PLEKHG1: variants seen among roughly 807,000 people sequenced by gnomAD.
PLEKHG1 encodes the protein pleckstrin homology domain-containing family G member 1.
Under a neutral mutation model 100.8 loss-of-function variants are expected in PLEKHG1, and 44 were observed. The ratio of observed to expected loss-of-function variants is 0.44; its 90% CI spans 0.34 to 0.56. PLEKHG1 has a LOEUF of 0.56. Among genes scored for constraint, PLEKHG1 ranks in the 20% least tolerant of loss-of-function variants. The pLI, the probability that PLEKHG1 is intolerant of heterozygous loss-of-function variation, is 0.01. For synonymous variants in PLEKHG1, 640 were observed against 662.5 expected, an observed-to-expected ratio of 0.97 and a Z score of 0.52; for missense variants, 1,545 against 1,720.9, an observed-to-expected ratio of 0.90 and a Z score of 1.81.
At chr6:150,684,793 G>A (rs753560854) in intron 3 of PLEKHG1, among the ~76,000 whole-genome samples, 4 of 151,918 alleles carry the variant, frequency 2.6e-5, no homozygotes, top group Non-Finnish European at 5.9e-5. Context: ...AATAAGACAG[G>A]TTTGGGATGG....
chr6:150,616,247 G>A (rs565825200), intron 1 of PLEKHG1, among the ~76,000 whole-genome samples: 1 of 152,284 alleles, frequency 6.6e-6, no homozygotes, highest in East Asian at 1.9e-4. Flanking sequence ...TAGAGACCAA[G>A]TTCTCTTATC....
At chr6:150,824,393 A>G (rs1204870041) in intron 14 of PLEKHG1, among the ~76,000 whole-genome samples, 1 of 152,224 alleles carries the variant, frequency 6.6e-6, no homozygotes, top group Admixed American at 6.5e-5. Context: ...ATCTAGAAGA[A>G]TATGGCTGTG....
chr6:150,701,878 A>T (rs888479584), intron 3 of PLEKHG1, among the ~76,000 whole-genome samples: 1 of 152,184 alleles, frequency 6.6e-6, no homozygotes, highest in Admixed American at 6.5e-5. Flanking sequence ...GGGGCCATGC[A>T]TGCACCATGA....
At chr6:150,773,943 C>G (rs1784826594) in intron 3 of PLEKHG1, among the ~76,000 whole-genome samples, 1 of 152,030 alleles carries the variant, frequency 6.6e-6, no homozygotes, top group Non-Finnish European at 1.5e-5. Flanking sequence ...AAACTTTATT[C>G]CTAGATACTT....
intron 2 of PLEKHG1, among the ~76,000 whole-genome samples, chr6:150,734,858 A>G (rs1279932243): frequency 6.6e-6 from 1 of 152,176 alleles, no homozygotes; most frequent in Non-Finnish European, 1.5e-5. Context: ...ATCCTCTGGA[A>G]ATTCAATTAT....
chr6:150,626,404 C>T (rs62434100), intron 1 of PLEKHG1, among the ~76,000 whole-genome samples: 11,432 of 152,222 alleles, frequency 0.075, 539 homozygotes, highest in Non-Finnish European at 0.1. Context: ...TGACCTTGGA[C>T]GTTCCATTGA....
intron 2 of PLEKHG1, among the ~76,000 whole-genome samples, chr6:150,748,670 G>C (rs1783310909): frequency 6.9e-6 from 1 of 144,268 alleles, no homozygotes; most frequent in South Asian, 2.2e-4. Context: ...CTAGGCTGGA[G>C]TGTGCAGTGC....
Position 150,710,587 on chromosome 6 carries a change from G to A in PLEKHG1, c.-98-22997G>A, listed in dbSNP as rs892203711. ...TGAGGGGACGGCATTACCCCAGAGTGGAGAAGGAAAGTAGTACCTACTTTA... is the reference window on the plus strand; with the variant it reads ...TGAGGGGACGGCATTACCCCAGAGTAGAGAAGGAAAGTAGTACCTACTTTA... On this transcript the variant is annotated intron_variant, in intron 3 of 3. Coordinates refer to the PLEKHG1 transcript ENST00000367326. Among the ~76,000 whole-genome samples the A allele has an allele frequency of 5.3e-5, 8 of 152,084 alleles. No individual in the cohort carries two copies. The East Asian group carries it at 1.5e-3, about 29-fold the overall frequency.
intron 2 of PLEKHG1, among the ~76,000 whole-genome samples, chr6:150,760,529 G>C (rs1784093958): frequency 2.0e-5 from 3 of 151,986 alleles, no homozygotes. Flanking sequence ...GGGGATTCTG[G>C]TAAACACGGT....
chr6:150,731,658 C>G (rs1055363880), intron 1 of PLEKHG1, among the ~76,000 whole-genome samples: 2 of 152,304 alleles, frequency 1.3e-5, no homozygotes, highest in South Asian at 2.1e-4. Flanking sequence ...AAGTTTCCCT[C>G]TTCCATTTTT....
intron 3 of PLEKHG1, among the ~76,000 whole-genome samples, chr6:150,687,664 A>C (rs1040827762): frequency 6.6e-6 from 1 of 152,192 alleles, no homozygotes; most frequent in Non-Finnish European, 1.5e-5. Flanking sequence ...GGAGGAACAC[A>C]GTGCCAGCTG....
chr6:150,643,392 A>G (rs911692914), intron 2 of PLEKHG1, among the ~76,000 whole-genome samples: 3 of 152,180 alleles, frequency 2.0e-5, no homozygotes, highest in East Asian at 3.8e-4. Flanking sequence ...AAGAACCTCA[A>G]TCAGTCCTGC....
chr6:150,681,275 ACTT>A (rs984268650), intron 3 of PLEKHG1, among the ~76,000 whole-genome samples: 10 of 151,970 alleles, frequency 6.6e-5, no homozygotes, highest in African/African-American at 2.4e-4. Context: ...TAATCCCAGC[ACTT>A]CGGGAGGCTG....
At chr6:150,790,156 G>C (rs1332352458) in intron 4 of PLEKHG1, among the ~76,000 whole-genome samples, 1 of 152,028 alleles carries the variant, frequency 6.6e-6, no homozygotes, top group Non-Finnish European at 1.5e-5. Flanking sequence ...CGAGTAGCTG[G>C]GATTACAGGC....
At chr6:150,783,886 A>G (rs1583123216) in intron 3 of PLEKHG1, among the ~76,000 whole-genome samples, 2 of 152,026 alleles carry the variant, frequency 1.3e-5, no homozygotes, top group South Asian at 4.2e-4. Flanking sequence ...TTTCTACTAA[A>G]TTTTTTTGTT....
chr6:150,640,755 G>A (rs1358283332), intron 2 of PLEKHG1, among the ~76,000 whole-genome samples: 2 of 151,992 alleles, frequency 1.3e-5, no homozygotes, highest in Admixed American at 6.6e-5. Flanking sequence ...TAAATCCAGT[G>A]AGCACATTCT....
chr6:150,687,443 G>A (rs975518832), intron 3 of PLEKHG1, among the ~76,000 whole-genome samples: 5 of 152,044 alleles, frequency 3.3e-5, no homozygotes, highest in African/African-American at 9.7e-5. Context: ...TGTTACTATC[G>A]TTTTGAGGCA....
At chr6:150,727,278 T>C (rs1255862998) in intron 1 of PLEKHG1, among the ~76,000 whole-genome samples, 2 of 152,184 alleles carry the variant, frequency 1.3e-5, no homozygotes, top group East Asian at 3.8e-4. Context: ...CCTAAGTTTC[T>C]CCTTGGGAGT....
At chr6:150,661,641 G>A (rs969778673) in intron 3 of PLEKHG1, among the ~76,000 whole-genome samples, 3 of 152,170 alleles carry the variant, frequency 2.0e-5, no homozygotes, top group African/African-American at 7.2e-5. Context: ...GAAAAACCAT[G>A]TTCTGGAGTG....
Sources: allele counts gnomAD v4.1 joint callset (sites outside exome capture counted in the v4.1 genomes callset), GRCh38; gene constraint gnomAD v4.1.1; transcripts MANE v1.5; gene names NCBI Gene and HGNC (gene_info 2026-07-23, HGNC 2026-07-21).